Variants in COL8A1 observed in about 807,000 individuals in gnomAD.
COL8A1 encodes the protein collagen type VIII alpha 1 chain.
Under a neutral mutation model 42.7 loss-of-function variants are expected in COL8A1, and 21 were observed. That is an observed-to-expected ratio of 0.49 (90% CI 0.35 to 0.71). The LOEUF (loss-of-function observed/expected upper bound fraction) is 0.71, where lower values mean the gene tolerates loss of function less well. Ranked by LOEUF, COL8A1 falls within the 30% of genes least tolerant of loss-of-function variation. The probability of loss-of-function intolerance (pLI) is 0.01; values close to 1 mark genes in which losing one functional copy is unlikely to be tolerated. For missense variants in COL8A1, 788 were observed against 962.4 expected, an observed-to-expected ratio of 0.82 and a Z score of 2.40; for synonymous variants, 367 against 369.1, an observed-to-expected ratio of 0.99 and a Z score of 0.06.
chr3:99,749,742 CAG>C (rs1204513138), intron 2 of COL8A1, among the ~76,000 whole-genome samples: 2 of 152,072 alleles, frequency 1.3e-5, no homozygotes, highest in African/African-American at 4.8e-5. Context: ...GTTTGAATTT[CAG>C]AGGTTTGCTT....
intron 1 of COL8A1, among the ~76,000 whole-genome samples, chr3:99,662,106 C>T (rs561017553): frequency 2.6e-5 from 4 of 152,304 alleles, no homozygotes; most frequent in East Asian, 1.9e-4. Flanking sequence ...GGGCCGAGCA[C>T]GGTGGCACGT....
Position 99,799,069 on chromosome 3 carries a change from A to G in COL8A1, c.*2933A>G, listed in dbSNP as rs1273073092. The stretch of plus-strand genomic sequence containing the variant: ...ATGTCTGTAGTGGGTGACTGTTATC[A>G]AATATTTTATAGAATACAATGAACG... On this transcript the variant is annotated 3_prime_UTR_variant, in exon 4 of 4. Transcript: ENST00000652472. 6.6e-6 allele frequency: 1 copy of G among 152,368 alleles called. No individual in the cohort carries two copies. Among genetic ancestry groups the G allele is most frequent in the Non-Finnish European group, 1.5e-5 (1 of 68,030 alleles). The allele number at this position is 152,368 out of a possible 1,614,324, so 9.4% of individuals were successfully genotyped here.
rs193292823 is a variant in COL8A1 at position 99,644,149 on chromosome 3, A to G, written c.-129+5485A>G. The stretch of plus-strand genomic sequence containing the variant: ...GATTTTAATAGCATTGTCCAAAACC[A>G]GACCCTCTCAAATGCTTGAGAGATG... On this transcript the variant is annotated intron_variant, in intron 1 of 3. Transcript: ENST00000652472. Among the ~76,000 whole-genome samples, 392 of 152,324 alleles carry G rather than the reference A, an allele frequency of 2.6e-3. 3 individuals are homozygous for G. Among genetic ancestry groups the G allele is most frequent in the African/African-American group, 9.0e-3 (374 of 41,574 alleles).
intron 1 of COL8A1, among the ~76,000 whole-genome samples, chr3:99,743,125 T>C (rs1422824683): frequency 6.6e-6 from 1 of 152,210 alleles, no homozygotes; most frequent in Non-Finnish European, 1.5e-5. Context: ...AGAGTTTTTT[T>C]CATGGAAGCA....
At position 99,739,938 on chromosome 3, in the gene COL8A1, T is replaced by C. The variant is rs1940851389; in HGVS notation, c.-128-4959T>C. On this transcript the variant is annotated intron_variant, in intron 1 of 3. Coordinates refer to ENST00000652472, the MANE Select transcript of COL8A1 (RefSeq NM_020351.4). ...CTGCAAATTTTCCAAATCTTTATCC[T>C]CTGCTTCCTCTTGAACACTTTGCCA... Among the ~76,000 whole-genome samples, 2 of 152,210 alleles carry C rather than the reference T, an allele frequency of 1.3e-5. 1 individual carries two copies. The highest frequency in any genetic ancestry group is 4.1e-4 in the South Asian group (2 of 4,834).
At chr3:99,708,796 A>G (rs1939753911) in intron 1 of COL8A1, among the ~76,000 whole-genome samples, 1 of 152,048 alleles carries the variant, frequency 6.6e-6, no homozygotes, top group Non-Finnish European at 1.5e-5. Flanking sequence ...CAACCACTTC[A>G]TTTCCAGTAG....
chr3:99,784,883 C>A (rs962385103), intron 2 of COL8A1, among the ~76,000 whole-genome samples: 2 of 152,236 alleles, frequency 1.3e-5, no homozygotes, highest in Non-Finnish European at 2.9e-5. Flanking sequence ...TAGTTAGAGT[C>A]ATTAATATCT....
At chr3:99,675,443 C>T (rs1938664275) in intron 1 of COL8A1, among the ~76,000 whole-genome samples, 1 of 152,006 alleles carries the variant, frequency 6.6e-6, no homozygotes, top group African/African-American at 2.4e-5. Flanking sequence ...AAGGGAAAAC[C>T]ATATTGGCTC....
At chr3:99,654,603 C>T (rs1320441163) in intron 1 of COL8A1, among the ~76,000 whole-genome samples, 1 of 152,048 alleles carries the variant, frequency 6.6e-6, no homozygotes, top group African/African-American at 2.4e-5. Flanking sequence ...GCCCGGGCAA[C>T]ATGGCGAAAC....
Position 99,731,332 on chromosome 3 carries a change from C to A in COL8A1, c.-128-13565C>A, listed in dbSNP as rs371494223. On this transcript the variant is annotated intron_variant, in intron 1 of 3. Coordinates refer to ENST00000652472, the MANE Select transcript of COL8A1 (RefSeq NM_020351.4). ...GAAGCGTCCAGACAGCCATGCAGTG[C>A]TCTGGAGGAAGAGCATTATAGACAG... Among the ~76,000 whole-genome samples, 16 of 152,156 alleles carry A rather than the reference C, an allele frequency of 1.1e-4. No individual in the cohort carries two copies. In the South Asian group the frequency reaches 3.3e-3, roughly 32 times the overall value.
At chr3:99,684,159 C>T (rs1010941488) in intron 1 of COL8A1, among the ~76,000 whole-genome samples, 5 of 152,020 alleles carry the variant, frequency 3.3e-5, no homozygotes, top group Non-Finnish European at 4.4e-5. Flanking sequence ...ACCATGCCAC[C>T]GAATCAAATT....
intron 2 of COL8A1, among the ~76,000 whole-genome samples, chr3:99,766,804 C>A (rs182172844): frequency 5.9e-5 from 9 of 152,126 alleles, no homozygotes; most frequent in African/African-American, 2.2e-4. Flanking sequence ...ACAAAATTAG[C>A]CAAGTGTGGT....
chr3:99,655,749 C>G (rs1303655610), intron 1 of COL8A1, among the ~76,000 whole-genome samples: 1 of 152,122 alleles, frequency 6.6e-6, no homozygotes, highest in Non-Finnish European at 1.5e-5. Flanking sequence ...TGTAAGCAGT[C>G]ATGTGGAGTC....
At chr3:99,691,895 T>A (rs1019051898) in intron 1 of COL8A1, 1 of 152,060 alleles carries the variant, frequency 6.6e-6, no homozygotes, top group Non-Finnish European at 1.5e-5. Flanking sequence ...AGGGATAGGA[T>A]CAAATTGCCA....
At chr3:99,693,438 G>A (rs957349896) in intron 1 of COL8A1, among the ~76,000 whole-genome samples, 11 of 152,312 alleles carry the variant, frequency 7.2e-5, no homozygotes, top group Admixed American at 5.9e-4. Flanking sequence ...TTCTTCCAGT[G>A]GGACAAGATG....
intron 2 of COL8A1, among the ~76,000 whole-genome samples, chr3:99,749,751 G>C (rs953255283): frequency 1.4e-4 from 21 of 152,052 alleles, no homozygotes; most frequent in African/African-American, 4.8e-4. Context: ...TCAGAGGTTT[G>C]CTTTCCTCCA....
intron 3 of COL8A1, among the ~76,000 whole-genome samples, chr3:99,793,300 ATAAG>A (rs1474713299): frequency 1.5e-4 from 23 of 152,236 alleles, no homozygotes; most frequent in African/African-American, 5.3e-4. Flanking sequence ...CGAGATAAAA[ATAAG>A]TATTTGAAGT....
chr3:99,794,159 G>C lies in COL8A1; in HGVS notation c.329-71G>C. On this transcript the variant is annotated intron_variant, in intron 3 of 3. Coordinates refer to ENST00000652472, the MANE Select transcript of COL8A1 (RefSeq NM_020351.4). This position sits in a 1 kb window ranked among gnomAD's most constrained non-coding sequence, Gnocchi z 4.3. ...TAATGGTTGTCAGTACTTCATTGATGTGAGAGACAATCTACTAATCAATCT... is the reference window on the plus strand; with the variant it reads ...TAATGGTTGTCAGTACTTCATTGATCTGAGAGACAATCTACTAATCAATCT... 1.0e-6 allele frequency: 1 copy of C among 956,504 alleles called. No homozygotes were observed. Among genetic ancestry groups the C allele is most frequent in the Non-Finnish European group, 1.6e-6 (1 of 641,304 alleles). The allele number at this position is 956,504 out of a possible 1,614,324, so 59.3% of individuals were successfully genotyped here. A position where few individuals can be genotyped will look rare whatever the true frequency, so the allele number is the denominator to read the frequency against.
At chr3:99,688,352 G>C (rs890678260) in intron 1 of COL8A1, among the ~76,000 whole-genome samples, 1 of 152,162 alleles carries the variant, frequency 6.6e-6, no homozygotes, top group African/African-American at 2.4e-5. Context: ...ATGTTTCCTT[G>C]TCTTTCCAGC....
Sources: allele counts gnomAD v4.1 joint callset (sites outside exome capture counted in the v4.1 genomes callset), GRCh38; gene constraint gnomAD v4.1.1; non-coding constraint Gnocchi (gnomAD v3.1); transcripts MANE v1.5; gene names NCBI Gene and HGNC (gene_info 2026-07-23, HGNC 2026-07-21).